The following RUNDC1 variants were observed in gnomAD, a reference collection of about 807,000 sequenced individuals.
RUNDC1 encodes RUN domain containing 1.
RUNDC1 carries 31 observed loss-of-function variants against 49.3 expected under a neutral mutation model. The ratio of observed to expected loss-of-function variants is 0.63; its 90% CI spans 0.47 to 0.85. The LOEUF is 0.85. Ranked by LOEUF, RUNDC1 falls within the 40% of genes least tolerant of loss-of-function variation. The pLI is 0.00. For missense variants in RUNDC1, 715 were observed against 806.7 expected, an observed-to-expected ratio of 0.89 and a Z score of 1.38; for synonymous variants, 347 against 348.6, an observed-to-expected ratio of 1.00 and a Z score of 0.05.
At chr17:42,981,143 C>T (rs1418758264) in intron 1 of RUNDC1, 69 bp downstream of exon 1, 1 of 1,472,048 alleles carries the variant, frequency 6.8e-7, no homozygotes, top group Non-Finnish European at 9.0e-7. Flanking sequence ...GATCCAGACC[C>T]GGATGATGGT....
In RUNDC1 at chr17:42,990,988, G is replaced by A; in HGVS notation, c.1114G>A (p.Val372Ile). Residue 372 changes from valine to isoleucine, a missense_variant, in exon 5 of 5, where the codon GTC becomes ATC. Coordinates refer to ENST00000361677, the MANE Select transcript of RUNDC1 (RefSeq NM_173079.5). Reference sequence around the variant, plus strand: ...GATCCCTCCAACCCTGTGGCAGAGGGTCCAGGCTGACAGAGACTACTCTCC... The same window carrying A: ...GATCCCTCCAACCCTGTGGCAGAGGATCCAGGCTGACAGAGACTACTCTCC... The part of the protein sequence containing the change: ...GQIPPTLWQR[V>I]QADRDYSPLL... 6.2e-7 allele frequency: 1 copy of A among 1,614,174 alleles called. No individual in the cohort carries two copies. The highest frequency in any genetic ancestry group is 8.5e-7 in the Non-Finnish European group (1 of 1,180,002).
In RUNDC1 at chr17:42,994,017, G is replaced by A. The variant is rs971364892; in HGVS notation, c.*2301G>A. On this transcript the variant is annotated 3_prime_UTR_variant, in exon 5 of 5. Transcript: ENST00000361677. ...TGGGAGTACCGGCGCCTGCCACCAC[G>A]CCTGGCTAATGTTTGTATTTTTAAT... Among the ~76,000 whole-genome samples the A allele has an allele frequency of 5.9e-5, 9 of 152,106 alleles. No homozygotes were observed. The highest frequency in any genetic ancestry group is 1.9e-4 in the African/African-American group (8 of 41,416).
At position 42,991,887 on chromosome 17, in the gene RUNDC1, C is replaced by G; in HGVS notation, c.*171C>G. 1.5e-6 allele frequency: 1 copy of G among 686,504 alleles called. No individual in the cohort carries two copies. The highest frequency in any genetic ancestry group is 2.4e-6 in the Non-Finnish European group (1 of 416,356). The allele number at this position is 686,504 out of a possible 1,614,324, so 42.5% of individuals were successfully genotyped here. A position where few individuals can be genotyped will look rare whatever the true frequency, so the allele number is the denominator to read the frequency against. On this transcript the variant is annotated 3_prime_UTR_variant, in exon 5 of 5. Transcript: ENST00000361677. ...CTGTTTTCCCCACCAACTTAGCTCT[C>G]GGAAAGATGTGCTGGAGGGACCCTC...
chr17:42,981,846 T>G (rs975900313), intron 1 of RUNDC1: 7 of 152,128 alleles, frequency 4.6e-5, no homozygotes, highest in Non-Finnish European at 7.3e-5. Context: ...CTCTGATAAC[T>G]GACAAGATCG....
At chr17:42,983,455 C>T (rs1406561811) in intron 1 of RUNDC1, among the ~76,000 whole-genome samples, 1 of 147,720 alleles carries the variant, frequency 6.8e-6, no homozygotes, top group Non-Finnish European at 1.5e-5. Context: ...GGACTCACTG[C>T]AGCCTTGACT....
chr17:42,982,016 C>A (rs2050103601), intron 1 of RUNDC1: 1 of 47,038 alleles, frequency 2.1e-5, no homozygotes, highest in Non-Finnish European at 3.8e-5. Flanking sequence ...GACAGAGTCT[C>A]ACTCTGTCAC....
chr17:42,984,823 A>AACT (rs2050148307), intron 1 of RUNDC1, among the ~76,000 whole-genome samples: 1 of 151,842 alleles, frequency 6.6e-6, no homozygotes, highest in African/African-American at 2.4e-5. Flanking sequence ...CTGGTTAGAC[A>AACT]ACTTTCTCCA....
In RUNDC1 at chr17:42,994,008, T is replaced by C. The variant is rs1281479694; in HGVS notation, c.*2292T>C. Reference sequence around the variant, plus strand: ...CTGAGTAGCTGGGAGTACCGGCGCCTGCCACCACGCCTGGCTAATGTTTGT... The same window carrying C: ...CTGAGTAGCTGGGAGTACCGGCGCCCGCCACCACGCCTGGCTAATGTTTGT... On this transcript the variant is annotated 3_prime_UTR_variant, in exon 5 of 5. Coordinates refer to ENST00000361677, the MANE Select transcript of RUNDC1 (RefSeq NM_173079.5). Among the ~76,000 whole-genome samples the C allele has an allele frequency of 6.6e-6, 1 of 152,166 alleles. No homozygotes were observed. Among genetic ancestry groups the C allele is most frequent in the African/African-American group, 2.4e-5 (1 of 41,436 alleles).
At position 42,980,853 on chromosome 17, in the gene RUNDC1, G is replaced by A; in HGVS notation, c.277G>A (p.Ala93Thr). Residue 93 changes from alanine (A) to threonine (T), a missense_variant, in exon 1 of 5, where the codon GCG becomes ACG. Transcript: ENST00000361677. ...GGCAGAGCGGCGGCGGCTGGACTCG[G>A]CGCTGCTGGCGCTGTCCTCGCACTT... ...LRAERRRLDS[A>T]LLALSSHFAQ... 1 of 1,419,214 alleles carries A rather than the reference G, an allele frequency of 7.0e-7. No homozygotes were observed. Among genetic ancestry groups the A allele is most frequent in the Non-Finnish European group, 9.1e-7 (1 of 1,095,658 alleles). The allele number at this position is 1,419,214 out of a possible 1,614,324, so 87.9% of individuals were successfully genotyped here. A position where few individuals can be genotyped will look rare whatever the true frequency, so the allele number is the denominator to read the frequency against.
chr17:42,989,258 A>G, intron 2 of RUNDC1, 83 bp from the exon 3 acceptor site: 1 of 1,012,998 alleles, frequency 9.9e-7, no homozygotes, highest in South Asian at 1.4e-5. Context: ...CCATTTAAGG[A>G]CAGAAGACAT....
Position 42,993,371 on chromosome 17 carries a change from C to G in RUNDC1, c.*1655C>G, listed in dbSNP as rs950698096. On this transcript the variant is annotated 3_prime_UTR_variant, in exon 5 of 5. Coordinates refer to ENST00000361677, the MANE Select transcript of RUNDC1 (RefSeq NM_173079.5). The stretch of plus-strand genomic sequence containing the variant: ...TGTATCACTCCAAACACTACTGATT[C>G]AGCATTGTTTTCATGTCTTAAAATT... The G allele has an allele frequency of 1.3e-5, 2 of 152,202 alleles. No homozygotes were observed. Among genetic ancestry groups the G allele is most frequent in the South Asian group, 2.1e-4 (1 of 4,832 alleles). 9.4% of individuals were successfully genotyped at this position (152,202 alleles called of 1,614,324 possible). A position where few individuals can be genotyped will look rare whatever the true frequency, so the allele number is the denominator to read the frequency against.
intron 1 of RUNDC1, among the ~76,000 whole-genome samples, chr17:42,984,796 A>C (rs1456008807): frequency 6.6e-6 from 1 of 151,726 alleles, no homozygotes; most frequent in Non-Finnish European, 1.5e-5. Flanking sequence ...ACTTTTCCAC[A>C]GTTCTTTCTC....
intron 1 of RUNDC1, among the ~76,000 whole-genome samples, chr17:42,985,312 C>G (rs967211730): frequency 3.9e-5 from 6 of 152,180 alleles, no homozygotes; most frequent in Non-Finnish European, 8.8e-5. Flanking sequence ...AGTTCATAGA[C>G]TAGAAGAGAC....
intron 1 of RUNDC1, 77 bp from the exon 2 acceptor site, chr17:42,987,179 C>A: frequency 1.9e-6 from 2 of 1,070,468 alleles, no homozygotes; most frequent in South Asian, 1.4e-5. Flanking sequence ...TTGGTCATTA[C>A]TGGCTCGAGC....
rs749340594 is a variant in RUNDC1, at chr17:42,991,064, T to C, written c.1190T>C (p.Leu397Ser). Reference protein sequence around the residue: ...VSVDRVKQLALRQQPHDHVIT... With the variant: ...VSVDRVKQLASRQQPHDHVIT... The stretch of plus-strand genomic sequence containing the variant: ...GTGGACAGAGTGAAGCAGCTAGCCT[T>C]GAGGCAGCAGCCACATGACCATGTC... Residue 397 changes from leucine (L) to serine (S), a missense_variant, in exon 5 of 5, where the codon TTG (leucine) becomes TCG (serine). By Grantham distance (145) the Leu-to-Ser change is moderately radical. Around this residue, in one of 5 missense-constraint regions of RUNDC1, gnomAD observed 425 missense variants for 499.7 expected, o/e 0.85. Coordinates refer to ENST00000361677, the MANE Select transcript of RUNDC1 (RefSeq NM_173079.5). 2 of 1,614,124 alleles carry C rather than the reference T, an allele frequency of 1.2e-6. No individual in the cohort carries two copies. Among genetic ancestry groups the C allele is most frequent in the East Asian group, 2.2e-5 (1 of 44,886 alleles).
intron 1 of RUNDC1, among the ~76,000 whole-genome samples, chr17:42,984,582 G>C (rs1181634307): frequency 3.9e-5 from 6 of 152,086 alleles, no homozygotes; most frequent in Non-Finnish European, 1.5e-5. Context: ...CTTCATACTG[G>C]AAATGATTTA....
rs693538 is a variant in RUNDC1, at chr17:42,994,228, A to G, written c.*2512A>G. 0.2 allele frequency among the ~76,000 whole-genome samples: 30,884 copies of G among 152,256 alleles called. 3,248 individuals carry two copies. The highest frequency in any genetic ancestry group is 0.23 in the South Asian group (1,092 of 4,824). Reference sequence around the variant, plus strand: ...GGTAACTGGTATAGCCATATGGCGTAGCCCAGCGATCACCCCAGTATTGCC... The same window carrying G: ...GGTAACTGGTATAGCCATATGGCGTGGCCCAGCGATCACCCCAGTATTGCC... On this transcript the variant is annotated 3_prime_UTR_variant, in exon 5 of 5. Transcript: ENST00000361677.
intron 1 of RUNDC1, among the ~76,000 whole-genome samples, chr17:42,983,516 C>T (rs2050130940): frequency 6.6e-6 from 1 of 151,638 alleles, no homozygotes; most frequent in Admixed American, 6.6e-5. Context: ...ACTGGGACCA[C>T]AGGCGAGCAT....
chr17:42,984,034 A>G (rs1157945216), intron 1 of RUNDC1, among the ~76,000 whole-genome samples: 1 of 151,524 alleles, frequency 6.6e-6, no homozygotes, highest in African/African-American at 2.4e-5. Flanking sequence ...CAGCAGCATG[A>G]TCACAACTCA....
Sources: allele counts gnomAD v4.1 joint callset (sites outside exome capture counted in the v4.1 genomes callset), GRCh38; gene constraint gnomAD v4.1.1; regional missense constraint gnomAD v4.1.1; transcripts MANE v1.5; gene names NCBI Gene and HGNC (gene_info 2026-07-23, HGNC 2026-07-21).